Variants in GPBP1 observed in about 807,000 individuals in gnomAD.
The protein encoded by GPBP1 is vasculin.
Under a neutral mutation model 56.5 loss-of-function variants are expected in GPBP1, and 13 were observed. The ratio of observed to expected loss-of-function variants is 0.23; its 90% confidence interval spans 0.15 to 0.37. GPBP1 has a LOEUF of 0.37. Among genes scored for constraint, GPBP1 ranks in the 10% least tolerant of loss-of-function variants. The pLI is 1.00. For synonymous variants in GPBP1, 204 were observed against 188.9 expected (o/e 1.08, Z -0.66); for missense variants, 477 against 572.3 (o/e 0.83, Z 1.70).
intron 10 of GPBP1, among the ~76,000 whole-genome samples, chr5:57,257,839 G>A (rs979674495): frequency 1.3e-5 from 2 of 152,182 alleles, no homozygotes; most frequent in African/African-American, 4.8e-5. Context: ...GAAAAAGAAA[G>A]GATGTAAAGA....
At chr5:57,217,940 C>A (rs746645287) in intron 3 of GPBP1, among the ~76,000 whole-genome samples, 66 of 152,050 alleles carry the variant, frequency 4.3e-4, no homozygotes, top group Non-Finnish European at 7.9e-4. Flanking sequence ...TAGTTAATTT[C>A]TTTTCACTTA....
chr5:57,257,476 G>A (rs1741717232), intron 10 of GPBP1, among the ~76,000 whole-genome samples: 1 of 152,176 alleles, frequency 6.6e-6, no homozygotes, highest in Admixed American at 6.5e-5. Flanking sequence ...ACATCAAAGG[G>A]ATACAGTTGT....
chr5:57,232,005 G>C (rs1756480934), intron 5 of GPBP1, among the ~76,000 whole-genome samples: 1 of 152,092 alleles, frequency 6.6e-6, no homozygotes, highest in Non-Finnish European at 1.5e-5. Context: ...TTTCATGTTT[G>C]TGTGTGTGTA....
At chr5:57,254,251 A>C (rs1338871916) in intron 10 of GPBP1, among the ~76,000 whole-genome samples, 1 of 151,992 alleles carries the variant, frequency 6.6e-6, no homozygotes, top group South Asian at 2.1e-4. Flanking sequence ...TTTCCCTTAG[A>C]TTGCTCCTTC....
intron 2 of GPBP1, among the ~76,000 whole-genome samples, chr5:57,205,441 T>G (rs1755191524): frequency 6.6e-6 from 1 of 152,210 alleles, no homozygotes; most frequent in Non-Finnish European, 1.5e-5. Context: ...CTAGCAATGG[T>G]ATTTCTGAGT....
At chr5:57,192,463 T>C (rs895474741) in intron 2 of GPBP1, among the ~76,000 whole-genome samples, 5 of 151,934 alleles carry the variant, frequency 3.3e-5, no homozygotes, top group Non-Finnish European at 7.4e-5. Context: ...AACTTAAAAT[T>C]TAGGAGTTGG....
At chr5:57,179,830 T>A (rs1753962469) in intron 2 of GPBP1, among the ~76,000 whole-genome samples, 1 of 152,206 alleles carries the variant, frequency 6.6e-6, no homozygotes, top group African/African-American at 2.4e-5. Context: ...ACTCCTAACT[T>A]CAGATGTCTG....
At chr5:57,219,375 CAAA>C (rs869152603) in intron 3 of GPBP1, among the ~76,000 whole-genome samples, 562 of 35,092 alleles carry the variant, frequency 0.016, 9 homozygotes, top group Middle Eastern at 0.031. Flanking sequence ...GACTCTGTCT[CAAA>C]AAAAAAAAAA....
chr5:57,197,281 C>CT (rs1365211099), intron 2 of GPBP1, among the ~76,000 whole-genome samples: 4 of 151,444 alleles, frequency 2.6e-5, no homozygotes, highest in Admixed American at 6.6e-5. Flanking sequence ...ATTATAGAAT[C>CT]TTTATTTCCA....
chr5:57,261,415 AAG>A (rs1580091789), intron 11 of GPBP1, 133 bp downstream of exon 11: 1 of 583,010 alleles, frequency 1.7e-6, no homozygotes, highest in Non-Finnish European at 3.1e-6. Flanking sequence ...TAAAAAAAAA[AAG>A]AGGGAGGACA....
At chr5:57,201,442 A>G (rs1326132333) in intron 2 of GPBP1, among the ~76,000 whole-genome samples, 1 of 151,848 alleles carries the variant, frequency 6.6e-6, no homozygotes, top group Admixed American at 6.6e-5. Context: ...CTGGTCTCGA[A>G]CTCCTAAGTG....
chr5:57,237,642 A>G (rs1188339927), intron 6 of GPBP1, among the ~76,000 whole-genome samples: 1 of 152,206 alleles, frequency 6.6e-6, no homozygotes, highest in Non-Finnish European at 1.5e-5. Flanking sequence ...TAGGAATACA[A>G]TGAAACTCTC....
chr5:57,184,346 T>C lies in GPBP1; in HGVS notation c.-58+7946T>C, dbSNP rs140475753. ...GGATAATTTATAGAGAAAAATGGTT[T>C]TATTGGCTCTTGGTTCAGCAGGCTG... On this transcript the variant is annotated intron_variant, in intron 2 of 11. Transcript: ENST00000506184. Among the ~76,000 whole-genome samples the C allele has an allele frequency of 4.5e-4, 68 of 152,216 alleles. 1 individual carries two copies. The highest frequency in any genetic ancestry group is 1.4e-3 in the African/African-American group (60 of 41,542).
At chr5:57,242,998 C>T (rs1013915663) in intron 6 of GPBP1, among the ~76,000 whole-genome samples, 1 of 151,848 alleles carries the variant, frequency 6.6e-6, no homozygotes, top group African/African-American at 2.4e-5. Context: ...ATCCGTCCGC[C>T]TCAGCCTCCC....
At chr5:57,192,860 G>A (rs1201669299) in intron 2 of GPBP1, among the ~76,000 whole-genome samples, 1 of 151,914 alleles carries the variant, frequency 6.6e-6, no homozygotes, top group Non-Finnish European at 1.5e-5. Context: ...GTTACTTACA[G>A]TATGTATATG....
intron 3 of GPBP1, among the ~76,000 whole-genome samples, chr5:57,218,718 A>G (rs1755802879): frequency 1.3e-5 from 2 of 151,920 alleles, no homozygotes; most frequent in Non-Finnish European, 2.9e-5. Context: ...GCCTGCCTCT[A>G]CCTCCCAGTG....
chr5:57,174,489 G>T (rs983261389), intron 1 of GPBP1, among the ~76,000 whole-genome samples: 3 of 152,170 alleles, frequency 2.0e-5, no homozygotes, highest in Non-Finnish European at 4.4e-5. Flanking sequence ...TTTGGCGTTT[G>T]GCGGAGGCTG....
chr5:57,232,076 T>C (rs1473314770), intron 5 of GPBP1, among the ~76,000 whole-genome samples: 1 of 151,848 alleles, frequency 6.6e-6, no homozygotes, highest in East Asian at 1.9e-4. Flanking sequence ...TAGGCTGGAG[T>C]TCATAGCTCA....
At chr5:57,187,002 A>ATGTG (rs1754316175) in intron 2 of GPBP1, among the ~76,000 whole-genome samples, 1 of 119,266 alleles carries the variant, frequency 8.4e-6, no homozygotes, top group African/African-American at 3.3e-5. Context: ...GGACTCAGAG[A>ATGTG]AGTGTGTGTG....
Sources: allele counts gnomAD v4.1 joint callset (sites outside exome capture counted in the v4.1 genomes callset), GRCh38; gene constraint gnomAD v4.1.1; transcripts MANE v1.5; gene names NCBI Gene and HGNC (gene_info 2026-07-23, HGNC 2026-07-21).